HHAT: variants seen among roughly 807,000 people sequenced by gnomAD.
The protein encoded by HHAT is hedgehog acyltransferase, also known as protein-cysteine N-palmitoyltransferase HHAT.
A neutral mutation model predicts 70.8 loss-of-function variants in HHAT; 47 were observed. The observed-to-expected ratio is 0.66, with a 90% CI of 0.53 to 0.85. The LOEUF (loss-of-function observed/expected upper bound fraction) is 0.85. HHAT is among the 40% of genes least tolerant of loss of function. The probability of loss-of-function intolerance (pLI) is 0.00; values close to 1 mark genes in which losing one functional copy is unlikely to be tolerated. For missense variants in HHAT, 609 were observed against 604.8 expected (o/e 1.01, Z -0.07); for synonymous variants, 228 against 247.6 (o/e 0.92, Z 0.74).
intron 7 of HHAT, among the ~76,000 whole-genome samples, chr1:210,458,378 G>GA (rs1480244776): frequency 1.3e-5 from 2 of 152,090 alleles, no homozygotes; most frequent in Non-Finnish European, 2.9e-5. Context: ...TGGTGCTAAG[G>GA]AGATGAAATT....
At chr1:210,583,506 C>G (rs958746048) in intron 9 of HHAT, among the ~76,000 whole-genome samples, 4 of 152,118 alleles carry the variant, frequency 2.6e-5, no homozygotes, top group Admixed American at 6.6e-5. Flanking sequence ...AGACATGTTT[C>G]TGTTTTTATT....
intron 7 of HHAT, among the ~76,000 whole-genome samples, chr1:210,460,635 G>A (rs1209227127): frequency 6.6e-6 from 1 of 152,160 alleles, no homozygotes; most frequent in African/African-American, 2.4e-5. Context: ...ATATTGCTCA[G>A]TGCCTGGCAA....
At chr1:210,598,864 A>G (rs1663607692) in intron 10 of HHAT, among the ~76,000 whole-genome samples, 1 of 152,250 alleles carries the variant, frequency 6.6e-6, no homozygotes, top group African/African-American at 2.4e-5. Context: ...GTGTTCCTGC[A>G]GAGAGAATGA....
At chr1:210,466,288 T>C (rs1558574807) in intron 8 of HHAT, among the ~76,000 whole-genome samples, 1 of 152,270 alleles carries the variant, frequency 6.6e-6, no homozygotes, top group Non-Finnish European at 1.5e-5. Flanking sequence ...GTTGAGTAGT[T>C]ACTCTGATTT....
At chr1:210,631,431 A>C (rs1307563737) in intron 11 of HHAT, among the ~76,000 whole-genome samples, 1 of 152,152 alleles carries the variant, frequency 6.6e-6, no homozygotes, top group Non-Finnish European at 1.5e-5. Context: ...CTGGATTGGC[A>C]CTGACCAGTC....
chr1:210,461,977 T>C (rs1031898828), intron 7 of HHAT, among the ~76,000 whole-genome samples: 3 of 152,230 alleles, frequency 2.0e-5, no homozygotes, highest in Non-Finnish European at 4.4e-5. Flanking sequence ...ATTAATCGTC[T>C]ATGCAAAATC....
chr1:210,409,292 C>G (rs930714057), intron 6 of HHAT, among the ~76,000 whole-genome samples: 7 of 152,046 alleles, frequency 4.6e-5, no homozygotes, highest in African/African-American at 1.7e-4. Context: ...AAGACATGAG[C>G]CTTGTTGCGC....
chr1:210,367,496 G>A (rs1425789545), intron 3 of HHAT, among the ~76,000 whole-genome samples: 1 of 152,154 alleles, frequency 6.6e-6, no homozygotes, highest in Non-Finnish European at 1.5e-5. Flanking sequence ...TGGGAGAAGG[G>A]GGCTGACCTT....
rs1422019133 is a variant in HHAT, at chr1:210,335,952, C to T, written c.-44+6848C>T. On this transcript the variant is annotated intron_variant, in intron 1 of 11. Coordinates refer to ENST00000261458, the MANE Select transcript of HHAT (RefSeq NM_018194.6). ...CACATAACATGGATGAATCTTGTGACACAAAGCTGAGCAAAACCAAGATAG... is the reference window on the plus strand; with the variant it reads ...CACATAACATGGATGAATCTTGTGATACAAAGCTGAGCAAAACCAAGATAG... Among the ~76,000 whole-genome samples, 5 of 152,080 alleles carry T rather than the reference C, an allele frequency of 3.3e-5. No individual in the cohort carries two copies. The East Asian group carries it at 9.6e-4, about 29-fold the overall frequency.
Position 210,464,354 on chromosome 1 carries a change from T to C in HHAT, c.857-151T>C, listed in dbSNP as rs115536791. On this transcript the variant is annotated intron_variant, in intron 7 of 11. Coordinates refer to ENST00000261458, the MANE Select transcript of HHAT (RefSeq NM_018194.6). ...AAAAAATTTCATTGAATAAAACCAG[T>C]GTGGAATACTTTTGTGAAATGTGCG... The C allele has an allele frequency of 2.3e-3, 1,745 of 744,812 alleles. 24 individuals carry two copies. The African/African-American group carries it at 0.027, about 11-fold the overall frequency. 46.1% of individuals were successfully genotyped at this position (744,812 alleles called of 1,614,324 possible). A position where few individuals can be genotyped will look rare whatever the true frequency, so the allele number is the denominator to read the frequency against.
At chr1:210,601,553 G>A (rs960056407) in intron 10 of HHAT, among the ~76,000 whole-genome samples, 13 of 151,996 alleles carry the variant, frequency 8.6e-5, no homozygotes, top group African/African-American at 2.9e-4. Flanking sequence ...TAGTCAACGT[G>A]GCTATTCATT....
chr1:210,472,434 C>T (rs1333030589), intron 8 of HHAT, among the ~76,000 whole-genome samples: 1 of 152,144 alleles, frequency 6.6e-6, no homozygotes, highest in Non-Finnish European at 1.5e-5. Context: ...TTGATCACTC[C>T]CTTCTACTGT....
intron 8 of HHAT, among the ~76,000 whole-genome samples, chr1:210,500,551 A>G (rs146223334): frequency 6.6e-5 from 10 of 152,162 alleles, no homozygotes; most frequent in Middle Eastern, 6.8e-3. Context: ...GTCTGTACGT[A>G]ATTTTTGGGG....
intron 7 of HHAT, among the ~76,000 whole-genome samples, chr1:210,454,079 A>G (rs1198671697): frequency 2.6e-5 from 4 of 152,216 alleles, no homozygotes; most frequent in Non-Finnish European, 5.9e-5. Flanking sequence ...TATCACGAGA[A>G]TAGCGTGGGA....
chr1:210,525,646 A>G (rs2095234263), intron 9 of HHAT, among the ~76,000 whole-genome samples: 1 of 152,224 alleles, frequency 6.6e-6, no homozygotes, highest in African/African-American at 2.4e-5. Flanking sequence ...AGAAAAAACT[A>G]AGAGAAACTC....
At chr1:210,522,863 A>G (rs1280032453) in intron 9 of HHAT, among the ~76,000 whole-genome samples, 1 of 151,828 alleles carries the variant, frequency 6.6e-6, no homozygotes, top group Non-Finnish European at 1.5e-5. Context: ...AACTCATGAA[A>G]CCTTTCTAAG....
chr1:210,400,375 C>T, intron 4 of HHAT, 93 bp from the exon 5 acceptor site: 1 of 1,162,588 alleles, frequency 8.6e-7, no homozygotes, highest in Non-Finnish European at 1.2e-6. Context: ...CATGTAGAAC[C>T]TTCAATATCA....
rs373050953 is a variant in HHAT at position 210,621,166 on chromosome 1, C to T, written c.1246-2360C>T. Among the ~76,000 whole-genome samples the T allele has an allele frequency of 3.4e-4, 52 of 152,242 alleles. No individual in the cohort carries two copies. The South Asian group carries it at 0.01, about 30-fold the overall frequency. ...AAAGAGAGTCTTCCTCTCTCAGTAC[C>T]TCTGTTGATTATTTAATACTTGTAA... On this transcript the variant is annotated intron_variant, in intron 10 of 11. Transcript: ENST00000261458.
rs555943353 is a variant in HHAT, at chr1:210,551,031, G to A, written c.1044-36867G>A. ...CCTAAAGACTGACACAGAGCTAAAG[G>A]ACAAAGGGGATGTAAGAATCCTGAC... On this transcript the variant is annotated intron_variant, in intron 9 of 11. Transcript: ENST00000261458. Among the ~76,000 whole-genome samples the A allele has an allele frequency of 4.1e-3, 617 of 148,810 alleles. 31 individuals carry two copies. Among genetic ancestry groups the A allele is most frequent in the Non-Finnish European group, 7.0e-3 (478 of 67,810 alleles).
Sources: gnomAD v4.1 joint callset for allele counts (sites outside exome capture counted in the v4.1 genomes callset) on GRCh38, gnomAD v4.1.1 for gene constraint, MANE v1.5 for transcripts, NCBI Gene and HGNC (gene_info 2026-07-23, HGNC 2026-07-21) for gene names.